The following IFT88 variants were observed in gnomAD, a reference collection of about 807,000 sequenced individuals.
The protein encoded by IFT88 is intraflagellar transport protein 88 homolog.
IFT88 carries 74 observed loss-of-function variants against 119.5 expected under a neutral mutation model. That is an observed-to-expected ratio of 0.62 (90% CI 0.51 to 0.75). The LOEUF (loss-of-function observed/expected upper bound fraction) is 0.75, where lower values mean the gene tolerates loss of function less well. Among genes scored for constraint, IFT88 ranks in the 30% least tolerant of loss-of-function variants. The pLI is 0.00. For synonymous variants in IFT88, 279 were observed against 316.7 expected (o/e 0.88, Z 1.26); for missense variants, 961 against 977.7 (o/e 0.98, Z 0.23).
chr13:20,609,879 T>C (rs1205366429), intron 13 of IFT88, among the ~76,000 whole-genome samples: 1 of 152,218 alleles, frequency 6.6e-6, no homozygotes, highest in African/African-American at 2.4e-5. Flanking sequence ...AGCTGAGGTC[T>C]CAGTCTTTTA....
At position 20,633,354 on chromosome 13, in the gene IFT88, C is replaced by G. The variant is rs549533424; in HGVS notation, c.1386+2252C>G. 3.9e-5 allele frequency among the ~76,000 whole-genome samples: 6 copies of G among 152,172 alleles called. No individual in the cohort carries two copies. The South Asian group carries it at 1.0e-3, about 26-fold the overall frequency. On this transcript the variant is annotated intron_variant, in intron 16 of 25. Coordinates refer to ENST00000351808, the MANE Select transcript of IFT88 (RefSeq NM_006531.5). ...GAGAGAGGGTGGGCCTTTGTACCCC[C>G]ACCCCAGCCAGCCATTGGATGTGGC... is the stretch of plus-strand genomic sequence containing the variant.
rs112662275 is a variant in IFT88 at position 20,577,639 on chromosome 13, G to A, written c.90+3164G>A. ...TGTGGTTTTTGTTCTTTATTCTGTCGATATGATGTATTACATTGATTGATT... is the reference window on the plus strand; with the variant it reads ...TGTGGTTTTTGTTCTTTATTCTGTCAATATGATGTATTACATTGATTGATT... On this transcript the variant is annotated intron_variant, in intron 2 of 25. Coordinates refer to ENST00000351808, the MANE Select transcript of IFT88 (RefSeq NM_006531.5). 1.6e-3 allele frequency among the ~76,000 whole-genome samples: 244 copies of A among 152,070 alleles called. 1 individual carries two copies. The highest frequency in any genetic ancestry group is 5.6e-3 in the African/African-American group (233 of 41,484).
At chr13:20,659,533 A>G (rs1353825245) in intron 22 of IFT88, among the ~76,000 whole-genome samples, 2 of 152,174 alleles carry the variant, frequency 1.3e-5, no homozygotes, top group Non-Finnish European at 2.9e-5. Context: ...AGAAAGTACA[A>G]ATTACCTTCT....
intron 3 of IFT88, among the ~76,000 whole-genome samples, chr13:20,588,293 T>C (rs1034995065): frequency 6.6e-6 from 1 of 152,134 alleles, no homozygotes; most frequent in African/African-American, 2.4e-5. Flanking sequence ...TTTAGTTCAT[T>C]TTCCGTTGCT....
chr13:20,626,289 T>G (rs1470792975), intron 15 of IFT88, among the ~76,000 whole-genome samples: 4 of 152,082 alleles, frequency 2.6e-5, no homozygotes, highest in Non-Finnish European at 4.4e-5. Context: ...CTCGATCTCC[T>G]GACCTTGTGA....
chr13:20,625,918 A>C, intron 15 of IFT88, 69 bp downstream of exon 15: 1 of 655,666 alleles, frequency 1.5e-6, no homozygotes, highest in East Asian at 2.9e-5. Context: ...AAACAGGTAA[A>C]CTCCTTTCTA....
At chr13:20,573,336 G>C (rs1463741690) in intron 1 of IFT88, among the ~76,000 whole-genome samples, 1 of 151,782 alleles carries the variant, frequency 6.6e-6, no homozygotes, top group Admixed American at 6.6e-5. Flanking sequence ...CCACTTTTTT[G>C]CCTTTAAAGA....
chr13:20,644,781 C>T (rs905081011), intron 19 of IFT88, 62 bp from the exon 20 acceptor site: 11 of 733,144 alleles, frequency 1.5e-5, no homozygotes, highest in Non-Finnish European at 2.4e-5. Context: ...GTAAAGTATT[C>T]AAGAAGTAAA....
chr13:20,598,651 G>C lies in IFT88; in HGVS notation c.595G>C (p.Val199Leu), dbSNP rs1448958303. 6.3e-7 allele frequency: 1 copy of C among 1,596,080 alleles called. No homozygotes were observed. Among genetic ancestry groups the C allele is most frequent in the Non-Finnish European group, 8.6e-7 (1 of 1,164,926 alleles). ...ENINLDLTYS[V>L]LFNLASQYSV... ...TTTTCTATAATATTTTCTTCCTTAG[G>C]TTCTTTTCAATTTGGCCAGTCAGTA... Residue 199 changes from valine to leucine, a missense_variant and splice_region_variant, in exon 10 of 26, where the codon GTT becomes CTT. Val to Leu is a conservative substitution (Grantham distance 32). Coordinates refer to ENST00000351808, the MANE Select transcript of IFT88 (RefSeq NM_006531.5).
chr13:20,607,705 C>A, intron 13 of IFT88: 1 of 781,408 alleles, frequency 1.3e-6, no homozygotes, highest in Non-Finnish European at 2.3e-6. Flanking sequence ...CTCACAGTGG[C>A]CCTGGATGCT....
intron 16 of IFT88, among the ~76,000 whole-genome samples, chr13:20,634,402 T>G (rs935848396): frequency 3.9e-5 from 6 of 152,102 alleles, no homozygotes; most frequent in African/African-American, 1.4e-4. Context: ...ACATCAGGTC[T>G]GGATAGAAAT....
At chr13:20,674,751 A>G (rs1179020216) in intron 24 of IFT88, among the ~76,000 whole-genome samples, 1 of 119,328 alleles carries the variant, frequency 8.4e-6, no homozygotes, top group African/African-American at 3.2e-5. Context: ...TTTTTGAGAC[A>G]GAGTCTTGCT....
At chr13:20,637,599 G>GC (rs1472298517) in intron 16 of IFT88, among the ~76,000 whole-genome samples, 1 of 152,216 alleles carries the variant, frequency 6.6e-6, no homozygotes, top group Non-Finnish European at 1.5e-5. Context: ...AAGAAGAGCT[G>GC]CCCTTGGAGT....
At chr13:20,647,219 T>C (rs374200827) in intron 20 of IFT88, among the ~76,000 whole-genome samples, 102 of 152,362 alleles carry the variant, frequency 6.7e-4, no homozygotes, top group Middle Eastern at 3.4e-3. Flanking sequence ...CAGAAACTTA[T>C]TCAATATACA....
chr13:20,622,520 T>TC (rs1235850742), intron 14 of IFT88, among the ~76,000 whole-genome samples: 1 of 152,244 alleles, frequency 6.6e-6, no homozygotes, highest in Non-Finnish European at 1.5e-5. Flanking sequence ...TTTTGGCCTT[T>TC]CTAATAAGCG....
At chr13:20,673,843 T>C (rs2056268799) in intron 24 of IFT88, among the ~76,000 whole-genome samples, 1 of 152,234 alleles carries the variant, frequency 6.6e-6, no homozygotes, top group Non-Finnish European at 1.5e-5. Context: ...TATTCTCACA[T>C]GAGAGACTTT....
chr13:20,601,601 C>A, intron 11 of IFT88, 104 bp from the exon 12 acceptor site: 1 of 640,322 alleles, frequency 1.6e-6, no homozygotes. Context: ...AAAACAAAAA[C>A]GAAGTAAAGT....
At chr13:20,622,690 T>C (rs1040551502) in intron 14 of IFT88, among the ~76,000 whole-genome samples, 1 of 152,244 alleles carries the variant, frequency 6.6e-6, no homozygotes, top group Non-Finnish European at 1.5e-5. Flanking sequence ...GTTTTTGTTT[T>C]GGAGTTTTAG....
At chr13:20,677,353 G>A (rs2056797547) in intron 24 of IFT88, among the ~76,000 whole-genome samples, 1 of 152,182 alleles carries the variant, frequency 6.6e-6, no homozygotes, top group South Asian at 2.1e-4. Flanking sequence ...AGAATGAGCT[G>A]AAATTCTCAG....
Sources: allele counts gnomAD v4.1 joint callset (sites outside exome capture counted in the v4.1 genomes callset), GRCh38; gene constraint gnomAD v4.1.1; transcripts MANE v1.5; gene names NCBI Gene and HGNC (gene_info 2026-07-23, HGNC 2026-07-21).